ROCK2: variants seen among roughly 807,000 people sequenced by gnomAD.
ROCK2 encodes the protein rho-associated protein kinase 2.
Under a neutral mutation model 195.1 loss-of-function variants are expected in ROCK2, and 61 were observed. The observed-to-expected ratio is 0.31, with a 90% CI of 0.25 to 0.39. The LOEUF (loss-of-function observed/expected upper bound fraction) is 0.39, where lower values mean the gene tolerates loss of function less well. Ranked by LOEUF, ROCK2 falls within the 10% of genes least tolerant of loss-of-function variation. The pLI is 1.00. For missense variants in ROCK2, 1,109 were observed against 1,637.4 expected (o/e 0.68, Z 5.57); for synonymous variants, 504 against 545.5 (o/e 0.92, Z 1.06).
At chr2:11,271,659 G>A (rs539467522) in intron 3 of ROCK2, among the ~76,000 whole-genome samples, 1 of 152,248 alleles carries the variant, frequency 6.6e-6, no homozygotes, top group South Asian at 2.1e-4. Context: ...GTTTTAAAGG[G>A]CATATTGATA....
chr2:11,193,939 G>A (rs916504214), intron 29 of ROCK2, 82 bp from the exon 30 acceptor site: 4 of 697,162 alleles, frequency 5.7e-6, no homozygotes, highest in Admixed American at 2.8e-5. Flanking sequence ...TACATCAGAC[G>A]TTAAACACTG....
chr2:11,338,741 A>G (rs1572428908), intron 1 of ROCK2, among the ~76,000 whole-genome samples: 1 of 152,208 alleles, frequency 6.6e-6, no homozygotes, highest in South Asian at 2.1e-4. Context: ...GTTTATACAT[A>G]TAACAGAAGA....
chr2:11,305,619 T>A (rs1243841742), intron 1 of ROCK2, among the ~76,000 whole-genome samples: 1 of 152,260 alleles, frequency 6.6e-6, no homozygotes, highest in Non-Finnish European at 1.5e-5. Flanking sequence ...CTAGGGCTCC[T>A]TGCAGAAATA....
At chr2:11,271,905 A>G (rs1451774495) in intron 3 of ROCK2, among the ~76,000 whole-genome samples, 1 of 151,900 alleles carries the variant, frequency 6.6e-6, no homozygotes, top group Non-Finnish European at 1.5e-5. Flanking sequence ...CTGTAGTCCC[A>G]GCTACTCGGG....
At chr2:11,332,111 G>A (rs1256270569) in intron 1 of ROCK2, among the ~76,000 whole-genome samples, 1 of 151,800 alleles carries the variant, frequency 6.6e-6, no homozygotes, top group Non-Finnish European at 1.5e-5. Flanking sequence ...CTGCGCTCCA[G>A]CATGGACAAC....
chr2:11,327,312 T>C, intron 1 of ROCK2, among the ~76,000 whole-genome samples: 1 of 152,160 alleles, frequency 6.6e-6, no homozygotes, highest in East Asian at 1.9e-4. Context: ...GCCAGGACAG[T>C]GTTTTAAATT....
intron 1 of ROCK2, chr2:11,308,805 A>C: frequency 1.9e-6 from 3 of 1,611,778 alleles, no homozygotes; most frequent in Non-Finnish European, 1.7e-6. Context: ...GCTTTCATGG[A>C]GATGGATGAA....
intron 3 of ROCK2, among the ~76,000 whole-genome samples, chr2:11,260,448 CAAAA>C (rs35308782): frequency 2.2e-5 from 2 of 91,520 alleles, no homozygotes; most frequent in Non-Finnish European, 2.0e-5. Context: ...ACTCTGTCTC[CAAAA>C]AAAAAAAAAA....
chr2:11,255,233 A>AAAAAAAAAC (rs1219181701), intron 3 of ROCK2, among the ~76,000 whole-genome samples: 3 of 148,098 alleles, frequency 2.0e-5, no homozygotes, highest in African/African-American at 7.6e-5. Context: ...AAAAAAAAAA[A>AAAAAAAAAC]AAAACTTGGG....
intron 1 of ROCK2, among the ~76,000 whole-genome samples, chr2:11,325,962 C>A (rs777850481): frequency 6.6e-6 from 1 of 151,984 alleles, no homozygotes; most frequent in East Asian, 1.9e-4. Context: ...TTGGCCTGAT[C>A]GAAGCTAAAT....
In ROCK2 at chr2:11,222,425, T is replaced by A. The variant is rs542625157; in HGVS notation, c.1008-251A>T. On this transcript the variant is annotated intron_variant, in intron 7 of 32. Coordinates refer to ENST00000315872, the MANE Select transcript of ROCK2 (RefSeq NM_004850.5). ...AAAATGTTTCTGTCTATAGTTTGCATCAAATGAAAGTACGTTAAGACTATC... is the reference window on the plus strand; with the variant it reads ...AAAATGTTTCTGTCTATAGTTTGCAACAAATGAAAGTACGTTAAGACTATC... Among the ~76,000 whole-genome samples the A allele has an allele frequency of 3.9e-5, 6 of 152,262 alleles. No homozygotes were observed. The South Asian group carries it at 1.2e-3, about 32-fold the overall frequency.
chr2:11,195,286 C>A, intron 27 of ROCK2: 7 of 193,876 alleles, frequency 3.6e-5, no homozygotes, highest in East Asian at 2.2e-4. Flanking sequence ...TGATTAAATT[C>A]ATGCATTTAT....
intron 3 of ROCK2, among the ~76,000 whole-genome samples, chr2:11,269,926 A>C (rs535390229): frequency 2.0e-4 from 30 of 151,946 alleles, no homozygotes; most frequent in Non-Finnish European, 3.2e-4. Flanking sequence ...AATTATTTTT[A>C]ATTTTCTCGT....
At chr2:11,308,890 G>C (rs1412703081) in intron 1 of ROCK2, 1 of 1,611,772 alleles carries the variant, frequency 6.2e-7, no homozygotes, top group African/African-American at 1.3e-5. Flanking sequence ...TGCAATTATT[G>C]ACCAAGAAAC....
intron 1 of ROCK2, among the ~76,000 whole-genome samples, chr2:11,304,146 C>T (rs1249359096): frequency 2.0e-5 from 3 of 152,130 alleles, no homozygotes; most frequent in Non-Finnish European, 4.4e-5. Context: ...CTGATGGCTC[C>T]TAAATTCATT....
intron 1 of ROCK2, among the ~76,000 whole-genome samples, chr2:11,302,596 T>G (rs567160118): frequency 3.3e-5 from 5 of 152,214 alleles, no homozygotes; most frequent in Non-Finnish European, 7.3e-5. Context: ...AGATTTGTAT[T>G]GTCCCATAGA....
intron 23 of ROCK2, among the ~76,000 whole-genome samples, chr2:11,200,613 T>C (rs1482020333): frequency 1.3e-5 from 2 of 152,206 alleles, no homozygotes; most frequent in Non-Finnish European, 2.9e-5. Context: ...CCTAACTACT[T>C]GATATTTGAC....
chr2:11,268,466 CTG>C (rs938238447), intron 3 of ROCK2, among the ~76,000 whole-genome samples: 1 of 114,334 alleles, frequency 8.7e-6, no homozygotes, highest in Non-Finnish European at 2.0e-5. Flanking sequence ...AACAGTTTTA[CTG>C]TGTGTGTGTG....
In ROCK2 at chr2:11,183,447, A is replaced by G. The variant is rs770925522; in HGVS notation, c.4164-7T>C. On this transcript the variant is annotated splice_polypyrimidine_tract_variant and splice_region_variant and intron_variant, in intron 32 of 32. Transcript: ENST00000315872. ...TTTCATAGAAGGCAGTTAGCTGAAA[A>G]GAAAGGAAAAATAAAGTTAGTTGAT... 1 of 1,587,012 alleles carries G rather than the reference A, an allele frequency of 6.3e-7. No individual in the cohort carries two copies. The highest frequency in any genetic ancestry group is 8.6e-7 in the Non-Finnish European group (1 of 1,160,356).
Sources: gnomAD v4.1 joint callset for allele counts (sites outside exome capture counted in the v4.1 genomes callset) on GRCh38, gnomAD v4.1.1 for gene constraint, MANE v1.5 for transcripts, NCBI Gene and HGNC (gene_info 2026-07-23, HGNC 2026-07-21) for gene names.